Variants in FOXO1 observed in about 807,000 individuals in gnomAD.
FOXO1 encodes the protein forkhead box O1, also known as forkhead box protein O1.
A neutral mutation model predicts 44.1 loss-of-function variants in FOXO1; 6 were observed. The ratio of observed to expected loss-of-function variants is 0.14; its 90% CI spans 0.07 to 0.27. The LOEUF is 0.27. Ranked by LOEUF, FOXO1 falls within the 10% of genes least tolerant of loss-of-function variation. FOXO1 has a pLI of 1.00. For missense variants in FOXO1, 737 were observed against 888.8 expected, an observed-to-expected ratio of 0.83 and a Z score of 2.17; for synonymous variants, 380 against 362.7, an observed-to-expected ratio of 1.05 and a Z score of -0.54.
chr13:40,601,039 C>A (rs1052301419), intron 1 of FOXO1, among the ~76,000 whole-genome samples: 8 of 152,136 alleles, frequency 5.3e-5, no homozygotes, highest in Admixed American at 5.2e-4. Context: ...ACTGGTCTGT[C>A]GAAAACCATC....
chr13:40,661,075 GC>G (rs1266783606), intron 1 of FOXO1, among the ~76,000 whole-genome samples: 2 of 152,272 alleles, frequency 1.3e-5, no homozygotes, highest in Admixed American at 6.5e-5. Context: ...AAAAAGTAAA[GC>G]TCTTGGGAGT....
chr13:40,666,222 C>T lies in FOXO1; in HGVS notation c.-10G>A, dbSNP rs1196287168. ...GAGGCGCCTCGGCCATGGTGACCCC[C>T]GCCCCTCCCCCAGCCGCAGGAGAGC... is the stretch of plus-strand genomic sequence containing the variant. On this transcript the variant is annotated 5_prime_UTR_variant, in exon 1 of 3. Transcript: ENST00000379561. 2.1e-6 allele frequency: 3 copies of T among 1,401,090 alleles called. No individual in the cohort carries two copies. The highest frequency in any genetic ancestry group is 1.5e-5 in the South Asian group (1 of 67,644). The allele number at this position is 1,401,090 out of a possible 1,614,324, so 86.8% of individuals were successfully genotyped here.
chr13:40,639,397 T>C (rs1161736913), intron 1 of FOXO1, among the ~76,000 whole-genome samples: 1 of 152,226 alleles, frequency 6.6e-6, no homozygotes, highest in Non-Finnish European at 1.5e-5. Flanking sequence ...TCCAGAGCCC[T>C]ACACGTCATT....
At chr13:40,639,757 G>A (rs1395146632) in intron 1 of FOXO1, among the ~76,000 whole-genome samples, 3 of 152,240 alleles carry the variant, frequency 2.0e-5, no homozygotes, top group Admixed American at 6.5e-5. Flanking sequence ...CCAAATGTCA[G>A]AGGGACCAGC....
intron 1 of FOXO1, among the ~76,000 whole-genome samples, chr13:40,572,820 C>T (rs942581439): frequency 6.6e-6 from 1 of 152,182 alleles, no homozygotes; most frequent in Non-Finnish European, 1.5e-5. Context: ...CACAATTACA[C>T]TCTAAGACAC....
chr13:40,591,522 G>C (rs1875369026), intron 1 of FOXO1, among the ~76,000 whole-genome samples: 1 of 152,104 alleles, frequency 6.6e-6, no homozygotes, highest in Admixed American at 6.5e-5. Context: ...ATACTTACTG[G>C]GCAGGCCAGC....
intron 1 of FOXO1, among the ~76,000 whole-genome samples, chr13:40,592,753 A>AT (rs1449252824): frequency 6.6e-6 from 1 of 152,208 alleles, no homozygotes; most frequent in African/African-American, 2.4e-5. Flanking sequence ...AGTTTCAATA[A>AT]TCCCAATCCC....
chr13:40,654,992 A>G (rs1877810611), intron 1 of FOXO1, among the ~76,000 whole-genome samples: 1 of 152,198 alleles, frequency 6.6e-6, no homozygotes, highest in Non-Finnish European at 1.5e-5. Flanking sequence ...TACAAAAATT[A>G]AAAGACCAAA....
intron 1 of FOXO1, among the ~76,000 whole-genome samples, chr13:40,624,848 T>A (rs1054200224): frequency 1.3e-5 from 2 of 152,216 alleles, no homozygotes; most frequent in African/African-American, 4.8e-5. Context: ...TATAGTTTTT[T>A]ATGTATATAA....
rs1217369502 is a variant in FOXO1, at chr13:40,557,388, T to C, written c.*1661A>G. The C allele has an allele frequency of 6.6e-6, 1 of 152,248 alleles. No individual in the cohort carries two copies. The highest frequency in any genetic ancestry group is 1.5e-5 in the Non-Finnish European group (1 of 68,036). 9.4% of individuals were successfully genotyped at this position (152,248 alleles called of 1,614,324 possible). A position where few individuals can be genotyped will look rare whatever the true frequency, so the allele number is the denominator to read the frequency against. On this transcript the variant is annotated 3_prime_UTR_variant, in exon 3 of 3. Coordinates refer to ENST00000379561, the MANE Select transcript of FOXO1 (RefSeq NM_002015.4). The stretch of plus-strand genomic sequence containing the variant: ...ATAATGATAGGAATTACAGTTTAGG[T>C]TGCTACAGGCTAAAGAAATTTTCAA...
At chr13:40,594,680 C>T (rs191816664) in intron 1 of FOXO1, among the ~76,000 whole-genome samples, 11 of 152,240 alleles carry the variant, frequency 7.2e-5, no homozygotes, top group Non-Finnish European at 1.5e-4. Flanking sequence ...CTCCTCCATG[C>T]CATCTACAGG....
chr13:40,584,700 CA>C (rs908929412), intron 1 of FOXO1, among the ~76,000 whole-genome samples: 4 of 152,086 alleles, frequency 2.6e-5, no homozygotes, highest in African/African-American at 9.7e-5. Flanking sequence ...TCTACAGAGA[CA>C]ATAAGATTTC....
At chr13:40,586,310 T>G (rs906289423) in intron 1 of FOXO1, among the ~76,000 whole-genome samples, 1 of 152,236 alleles carries the variant, frequency 6.6e-6, no homozygotes. Context: ...GGGAAGAAAC[T>G]GAGAAAGCCA....
At chr13:40,586,378 G>A (rs1225556705) in intron 1 of FOXO1, among the ~76,000 whole-genome samples, 2 of 152,028 alleles carry the variant, frequency 1.3e-5, no homozygotes, top group Non-Finnish European at 2.9e-5. Flanking sequence ...CTCTAAGAAG[G>A]GCTTAATAAC....
intron 1 of FOXO1, among the ~76,000 whole-genome samples, chr13:40,578,806 A>G (rs916420660): frequency 6.6e-6 from 1 of 152,220 alleles, no homozygotes; most frequent in Non-Finnish European, 1.5e-5. Flanking sequence ...AACAAACAAG[A>G]GCAAAACTGT....
chr13:40,615,600 T>C (rs1297380175), intron 1 of FOXO1, among the ~76,000 whole-genome samples: 22 of 152,026 alleles, frequency 1.4e-4, no homozygotes. Context: ...GTGCATGGCA[T>C]ATACCGGGCA....
chr13:40,619,034 C>T (rs1876517786), intron 1 of FOXO1: 1 of 487,620 alleles, frequency 2.1e-6, no homozygotes, highest in African/African-American at 2.0e-5. Flanking sequence ...TGCCTGTAAT[C>T]CCAGCACTTT....
chr13:40,660,396 G>A (rs1032028337), intron 1 of FOXO1, among the ~76,000 whole-genome samples: 2 of 152,168 alleles, frequency 1.3e-5, no homozygotes, highest in Admixed American at 1.3e-4. Flanking sequence ...CAGGGAACTG[G>A]GTAGTTTCCA....
chr13:40,650,455 G>A (rs1035045221), intron 1 of FOXO1, among the ~76,000 whole-genome samples: 5 of 152,128 alleles, frequency 3.3e-5, no homozygotes, highest in East Asian at 3.9e-4. Context: ...TGGTTCACAC[G>A]CCTCTTGACA....
Sources: allele counts gnomAD v4.1 joint callset (sites outside exome capture counted in the v4.1 genomes callset), GRCh38; gene constraint gnomAD v4.1.1; transcripts MANE v1.5; gene names NCBI Gene and HGNC (gene_info 2026-07-23, HGNC 2026-07-21).